Variants in JPH3 observed in about 807,000 individuals in gnomAD.
JPH3 encodes junctophilin 3.
In JPH3, 11 loss-of-function variants were observed where a neutral mutation model predicts 59.6. The observed-to-expected ratio is 0.18, with a 90% CI of 0.12 to 0.31. The LOEUF is 0.31. Ranked by LOEUF, JPH3 falls within the 10% of genes least tolerant of loss-of-function variation. JPH3 has a pLI of 1.00. For missense variants in JPH3, 1,202 were observed against 1,105.7 expected (o/e 1.09, Z -1.24); for synonymous variants, 673 against 483.6 (o/e 1.39, Z -5.14).
chr16:87,653,664 G>T (rs980423236), intron 2 of JPH3: 4 of 152,248 alleles, frequency 2.6e-5, no homozygotes, highest in African/African-American at 7.2e-5. Flanking sequence ...AGGTAGCACA[G>T]TTCTCATCAC....
At chr16:87,652,552 G>A (rs1318291949) in intron 2 of JPH3, among the ~76,000 whole-genome samples, 2 of 152,214 alleles carry the variant, frequency 1.3e-5, no homozygotes, top group East Asian at 1.9e-4. Context: ...CAACCTTCAC[G>A]TCCCGGGCTC....
At chr16:87,666,403 T>TC (rs397715376) in intron 2 of JPH3, among the ~76,000 whole-genome samples, 6 of 151,392 alleles carry the variant, frequency 4.0e-5, no homozygotes, top group African/African-American at 7.3e-5. Context: ...TTTTTTTTTT[T>TC]CCCTTGGCAA....
Position 87,638,446 on chromosome 16 carries a change from C to T in JPH3, c.383-5812C>T, listed in dbSNP as rs1043628080. On this transcript the variant is annotated intron_variant, in intron 1 of 4. Transcript: ENST00000284262. ...AACGCCAGAGGCTACTGGGGAGACA[C>T]AGGAGCGACCACCATGATCCACAGA... Among the ~76,000 whole-genome samples the T allele has an allele frequency of 9.9e-5, 15 of 151,716 alleles. No homozygotes were observed. The East Asian group carries it at 2.7e-3, about 27-fold the overall frequency.
chr16:87,687,950 G>C (rs1366473810), intron 3 of JPH3, among the ~76,000 whole-genome samples: 1 of 152,192 alleles, frequency 6.6e-6, no homozygotes, highest in Admixed American at 6.5e-5. Context: ...GAGGAGGTAC[G>C]ATGTGGGTGA....
rs569500494 is a variant in JPH3 at position 87,676,418 on chromosome 16, C to T, written c.1161-7724C>T. On this transcript the variant is annotated intron_variant, in intron 2 of 4. Coordinates refer to ENST00000284262, the MANE Select transcript of JPH3 (RefSeq NM_020655.4). ...TTACGGTATATAAATATATCATTTA[C>T]GGTACCTTCATTTATGGTATATAGG... 2.6e-5 allele frequency among the ~76,000 whole-genome samples: 4 copies of T among 152,256 alleles called. No homozygotes were observed. In the South Asian group the frequency reaches 6.2e-4, roughly 24 times the overall value.
Position 87,692,094 on chromosome 16 carries a change from G to C in JPH3, c.2166+1568G>C, listed in dbSNP as rs150499001. Among the ~76,000 whole-genome samples the C allele has an allele frequency of 1.8e-4, 27 of 151,978 alleles. No homozygotes were observed. In the East Asian group the frequency reaches 5.2e-3, roughly 29 times the overall value. ...GTCTCCAGCTGGGGCTAATCTGGAG[G>C]TCCCGTCAGCTGCAGCATCATGTCC... On this transcript the variant is annotated intron_variant, in intron 4 of 4. Transcript: ENST00000284262.
intron 1 of JPH3, among the ~76,000 whole-genome samples, chr16:87,633,667 C>T (rs903893787): frequency 2.0e-5 from 3 of 151,738 alleles, no homozygotes; most frequent in East Asian, 3.9e-4. Flanking sequence ...GGTGTGGTGG[C>T]GGGCGCCTGT....
rs547636064 is a variant in JPH3, at chr16:87,611,524, G to A, written c.382+7996G>A. Among the ~76,000 whole-genome samples, 9 of 152,236 alleles carry A rather than the reference G, an allele frequency of 5.9e-5. No individual in the cohort carries two copies. Among genetic ancestry groups the A allele is most frequent in the South Asian group, 2.1e-4 (1 of 4,824 alleles). ...TCTCCCTCCTACCTATGAATGTCACGGGTATTGTTCTGGACCCAGGGAAGG... is the reference window on the plus strand; with the variant it reads ...TCTCCCTCCTACCTATGAATGTCACAGGTATTGTTCTGGACCCAGGGAAGG... On this transcript the variant is annotated intron_variant, in intron 1 of 4. Transcript: ENST00000284262. The surrounding 1 kb of genome is among the most constrained non-coding windows in gnomAD (Gnocchi z 4.5).
chr16:87,686,860 C>A (rs1046173480), intron 3 of JPH3, among the ~76,000 whole-genome samples: 1 of 152,168 alleles, frequency 6.6e-6, no homozygotes, highest in South Asian at 2.1e-4. Context: ...GATGGAGAGA[C>A]GGGGCCGCTG....
In JPH3 at chr16:87,690,372, C is replaced by A; in HGVS notation, c.2012C>A (p.Ala671Glu). ...GAGAACTTCAGGCCGGCCTCCTCCG[C>A]GGAGCCCGCCGTGCAGAAACTGGCG... The part of the protein sequence containing the change: ...NKENFRPASS[A>E]EPAVQKLASL... Residue 671 changes from alanine (A) to glutamate (E), a missense_variant, in exon 4 of 5, where the codon GCG becomes GAG. Transcript: ENST00000284262. 1.3e-6 allele frequency: 2 copies of A among 1,534,284 alleles called. No individual in the cohort carries two copies. Among genetic ancestry groups the A allele is most frequent in the South Asian group, 2.5e-5 (2 of 78,980 alleles).
chr16:87,645,399 G>C (rs73236288), intron 2 of JPH3, among the ~76,000 whole-genome samples: 1 of 152,238 alleles, frequency 6.6e-6, no homozygotes, highest in Non-Finnish European at 1.5e-5. Context: ...CTAGCTAGTA[G>C]GGGTGACACC....
intron 4 of JPH3, among the ~76,000 whole-genome samples, chr16:87,691,379 C>T (rs1175419226): frequency 6.6e-6 from 1 of 152,240 alleles, no homozygotes; most frequent in Non-Finnish European, 1.5e-5. Context: ...CAGCAGGGCT[C>T]TGCTCGCTCG....
intron 1 of JPH3, among the ~76,000 whole-genome samples, chr16:87,622,787 C>A (rs545731262): frequency 6.6e-6 from 1 of 152,106 alleles, no homozygotes; most frequent in Non-Finnish European, 1.5e-5. Flanking sequence ...CTGCTCTAAA[C>A]CTGGAGTGGA....
intron 1 of JPH3, among the ~76,000 whole-genome samples, chr16:87,620,468 GAGA>G (rs1313801265): frequency 1.5e-5 from 2 of 137,590 alleles, no homozygotes; most frequent in South Asian, 2.6e-4. Flanking sequence ...GAGAGAGGGA[GAGA>G]AGGAGAGAAG....
chr16:87,666,345 T>C (rs1222477460), intron 2 of JPH3, among the ~76,000 whole-genome samples: 1 of 151,354 alleles, frequency 6.6e-6, no homozygotes, highest in African/African-American at 2.4e-5. Context: ...CCCCTCGACC[T>C]CTCAAAGTGC....
At chr16:87,657,092 T>C (rs1272153094) in intron 2 of JPH3, among the ~76,000 whole-genome samples, 2 of 152,170 alleles carry the variant, frequency 1.3e-5, no homozygotes, top group East Asian at 3.8e-4. Flanking sequence ...CATAGGAACC[T>C]GAGGGGGACT....
At chr16:87,671,322 C>T (rs1374065429) in intron 2 of JPH3, among the ~76,000 whole-genome samples, 4 of 152,192 alleles carry the variant, frequency 2.6e-5, no homozygotes, top group South Asian at 2.1e-4. Flanking sequence ...GAGGCCCACA[C>T]GCCACCACTG....
chr16:87,629,212 A>G (rs2031482721), intron 1 of JPH3, among the ~76,000 whole-genome samples: 1 of 152,108 alleles, frequency 6.6e-6, no homozygotes, highest in Non-Finnish European at 1.5e-5. Context: ...ATGCCAGCAG[A>G]CCGTGTCCTT....
Position 87,644,263 on chromosome 16 carries a change from T to C in JPH3, c.388T>C (p.Tyr130His). Residue 130 changes from tyrosine (Y) to histidine (H), a missense_variant, in exon 2 of 5, where the codon TAC becomes CAC. Coordinates refer to ENST00000284262, the MANE Select transcript of JPH3 (RefSeq NM_020655.4). ...CTCTCTCATTTTCTCCCCAGGGACC[T>C]ACCAGGGCCAGTGGGTCGGTGGCAT... ...GTETYSDGGT[Y>H]QGQWVGGMRQ... The C allele has an allele frequency of 6.2e-7, 1 of 1,605,292 alleles. No individual in the cohort carries two copies. Among genetic ancestry groups the C allele is most frequent in the Non-Finnish European group, 8.5e-7 (1 of 1,175,712 alleles).
Sources: gnomAD v4.1 joint callset for allele counts (sites outside exome capture counted in the v4.1 genomes callset) on GRCh38, gnomAD v4.1.1 for gene constraint, Gnocchi (gnomAD v3.1) non-coding constraint, MANE v1.5 for transcripts, NCBI Gene and HGNC (gene_info 2026-07-23, HGNC 2026-07-21) for gene names.